Variants in AP1M1 observed in about 807,000 individuals in gnomAD.
AP1M1 encodes adaptor related protein complex 1 subunit mu 1.
In AP1M1, 18 loss-of-function variants were observed where a neutral mutation model predicts 57.1. The observed-to-expected ratio is 0.32, with a 90% confidence interval of 0.22 to 0.47. The LOEUF (loss-of-function observed/expected upper bound fraction) is 0.47, where lower values mean the gene tolerates loss of function less well. AP1M1 is among the 20% of genes least tolerant of loss of function. AP1M1 has a pLI of 1.00. For synonymous variants in AP1M1, 241 were observed against 237.9 expected (o/e 1.01, Z -0.12); for missense variants, 362 against 593.5 (o/e 0.61, Z 4.05).
At position 16,206,197 on chromosome 19, in the gene AP1M1, C is replaced by A. The variant is rs1480982859; in HGVS notation, c.200-144C>A. On this transcript the variant is annotated intron_variant, in intron 2 of 11. Transcript: ENST00000291439. This position sits in a 1 kb window ranked among gnomAD's most constrained non-coding sequence, Gnocchi z 4.3. Reference sequence around the variant, plus strand: ...TAGCTTGGACCAGGAGCTTTGTAGCCCACCATGGGCCAAGTAAACGGCTGG... The same window carrying A: ...TAGCTTGGACCAGGAGCTTTGTAGCACACCATGGGCCAAGTAAACGGCTGG... The A allele has an allele frequency of 1.1e-5, 9 of 795,424 alleles. No individual in the cohort carries two copies. The highest frequency in any genetic ancestry group is 3.0e-4 in the Middle Eastern group (1 of 3,290). The allele number at this position is 795,424 out of a possible 1,614,324, so 49.3% of individuals were successfully genotyped here. A position where few individuals can be genotyped will look rare whatever the true frequency, so the allele number is the denominator to read the frequency against.
At chr19:16,223,349 T>C (rs1255324603) in intron 5 of AP1M1, among the ~76,000 whole-genome samples, 1 of 152,234 alleles carries the variant, frequency 6.6e-6, no homozygotes, top group Non-Finnish European at 1.5e-5. Flanking sequence ...TGCTCGATTC[T>C]AGAGAGTTCT....
chr19:16,201,828 C>T (rs1206369481), intron 1 of AP1M1, among the ~76,000 whole-genome samples: 1 of 152,204 alleles, frequency 6.6e-6, no homozygotes, highest in East Asian at 1.9e-4. Context: ...CAGGCTGGAG[C>T]AGAGTGAACC....
chr19:16,211,804 A>C (rs531199748), intron 5 of AP1M1, among the ~76,000 whole-genome samples: 2 of 152,276 alleles, frequency 1.3e-5, no homozygotes, highest in Admixed American at 1.3e-4. Flanking sequence ...AGTTTTTAAC[A>C]TGAAGAGATG....
chr19:16,228,957 C>T lies in AP1M1; in HGVS notation c.1047+29C>T. The T allele has an allele frequency of 1.9e-6, 3 of 1,604,266 alleles. No homozygotes were observed. The highest frequency in any genetic ancestry group is 1.7e-6 in the Non-Finnish European group (2 of 1,172,324). Reference sequence around the variant, plus strand: ...AGCACTCTGTCCAGACATCCACGTGCCCCCTGCGCCTGTCTCTGCAAGGCA... The same window carrying T: ...AGCACTCTGTCCAGACATCCACGTGTCCCCTGCGCCTGTCTCTGCAAGGCA... On this transcript the variant is annotated intron_variant, in intron 9 of 11. Coordinates refer to ENST00000291439, the MANE Select transcript of AP1M1 (RefSeq NM_032493.4). This position sits in a 1 kb window ranked among gnomAD's most constrained non-coding sequence, Gnocchi z 5.0.
chr19:16,203,389 C>A lies in AP1M1; in HGVS notation c.43-70C>A, dbSNP rs2091456789. 1 of 1,539,322 alleles carries A rather than the reference C, an allele frequency of 6.5e-7. No homozygotes were observed. Among genetic ancestry groups the A allele is most frequent in the Non-Finnish European group, 9.0e-7 (1 of 1,115,492 alleles). On this transcript the variant is annotated intron_variant, in intron 1 of 11. Transcript: ENST00000291439. The surrounding 1 kb of genome is among the most constrained non-coding windows in gnomAD (Gnocchi z 4.6). ...AGCGAAGCAGGGTGGTGCATCTCAC[C>A]CCCTGCCCCAAGCCCCCAGATTGTA...
intron 5 of AP1M1, among the ~76,000 whole-genome samples, chr19:16,212,426 T>G (rs1347847072): frequency 1.3e-5 from 2 of 152,212 alleles, no homozygotes; most frequent in African/African-American, 4.8e-5. Flanking sequence ...TATTTGTAGT[T>G]CTGTGGGGTC....
chr19:16,211,693 T>C (rs2091494718), intron 5 of AP1M1, among the ~76,000 whole-genome samples: 1 of 151,918 alleles, frequency 6.6e-6, no homozygotes, highest in Admixed American at 6.6e-5. Context: ...GAGGTTGCAG[T>C]GAGTCCAGAT....
rs1478181059 is a variant in AP1M1 at position 16,227,543 on chromosome 19, C to G, written c.674-5C>G. The stretch of plus-strand genomic sequence containing the variant: ...GATCTGTCCTACCCTCACCCCTGAC[C>G]CCAGGCGGCAAAAGCAAATCCGTGG... On this transcript the variant is annotated splice_region_variant and splice_polypyrimidine_tract_variant and intron_variant, in intron 6 of 11. Transcript: ENST00000291439. The surrounding 1 kb of genome is among the most constrained non-coding windows in gnomAD (Gnocchi z 6.2). 6.2e-7 allele frequency: 1 copy of G among 1,613,524 alleles called. No individual in the cohort carries two copies.
At chr19:16,215,194 CGGGGGCGGGGGGGGGGG>C (rs2091512662) in intron 5 of AP1M1, among the ~76,000 whole-genome samples, 1 of 1,922 alleles carries the variant, frequency 5.2e-4, no homozygotes, top group Non-Finnish European at 1.4e-3. Context: ...GAGGCTAAGG[CGGGGGCGGGGGGGGGGG>C]AGAGGGGGGA....
chr19:16,208,968 G>T, intron 4 of AP1M1, 62 bp from the exon 5 acceptor site: 1 of 1,568,432 alleles, frequency 6.4e-7, no homozygotes, highest in Non-Finnish European at 8.7e-7. Context: ...AAATGTCAAG[G>T]CCAGAAGCTG....
At chr19:16,223,731 G>A (rs1239284203) in intron 5 of AP1M1, among the ~76,000 whole-genome samples, 1 of 152,200 alleles carries the variant, frequency 6.6e-6, no homozygotes, top group Non-Finnish European at 1.5e-5. Flanking sequence ...GTGGGGGGCG[G>A]TGGGAACACT....
Position 16,228,900 on chromosome 19 carries a change from A to G in AP1M1, c.1019A>G (p.Glu340Gly), listed in dbSNP as rs919365752. ...GSVKWVPENS[E>G]IVWSIKSFPG... Reference sequence around the variant, plus strand: ...GTTAAGTGGGTCCCCGAGAACAGCGAGATCGTGTGGTCCATCAAGTCCTTC... The same window carrying G: ...GTTAAGTGGGTCCCCGAGAACAGCGGGATCGTGTGGTCCATCAAGTCCTTC... Residue 340 changes from glutamate to glycine, a missense_variant, in exon 9 of 12, where the codon GAG becomes GGG. Physicochemically the swap from Glu to Gly is moderately conservative, Grantham distance 98. Around this residue, in one of 2 missense-constraint regions of AP1M1, gnomAD observed 337 missense variants for 511.1 expected, o/e 0.66. Transcript: ENST00000291439. The surrounding 1 kb of genome is among the most constrained non-coding windows in gnomAD (Gnocchi z 5.0). 1.9e-6 allele frequency: 3 copies of G among 1,613,996 alleles called. No individual in the cohort carries two copies. The highest frequency in any genetic ancestry group is 1.6e-4 in the Middle Eastern group (1 of 6,062).
intron 1 of AP1M1, among the ~76,000 whole-genome samples, chr19:16,201,676 G>A (rs985825888): frequency 1.1e-4 from 17 of 152,184 alleles, no homozygotes; most frequent in African/African-American, 3.9e-4. Context: ...GGGATTACAG[G>A]CGTGAGCCAC....
Position 16,234,287 on chromosome 19 carries a change from CTACCCG to C in AP1M1, c.1249+15_1249+20del. 6.2e-7 allele frequency: 1 copy of C among 1,613,568 alleles called. No homozygotes were observed. The highest frequency in any genetic ancestry group is 1.7e-4 in the Middle Eastern group (1 of 6,054). On this transcript the variant is annotated intron_variant, in intron 11 of 11. Transcript: ENST00000291439. ...ACGCAGAATGGAGGTGAGTGAGGCCCTACCCGTGGGGTGGGGTTGTACTGAGGGGTC... is the reference window on the plus strand; with the variant it reads ...ACGCAGAATGGAGGTGAGTGAGGCCCTGGGGTGGGGTTGTACTGAGGGGTC...
rs765452018 is a variant in AP1M1 at position 16,227,713 on chromosome 19, G to C, written c.816+23G>C. ...CACGTGAGTGCGCCACCCTGGGGCTGGGCTGTCGGCAGACTCCTCCTCCCC... is the reference window on the plus strand; with the variant it reads ...CACGTGAGTGCGCCACCCTGGGGCTCGGCTGTCGGCAGACTCCTCCTCCCC... On this transcript the variant is annotated intron_variant, in intron 7 of 11. Transcript: ENST00000291439. This position sits in a 1 kb window ranked among gnomAD's most constrained non-coding sequence, Gnocchi z 6.2. 33 of 1,608,112 alleles carry C rather than the reference G, an allele frequency of 2.1e-5. No individual in the cohort carries two copies. The highest frequency in any genetic ancestry group is 2.7e-5 in the Non-Finnish European group (32 of 1,176,000).
rs1599468811 is a variant in AP1M1, at chr19:16,234,494, C to T, written c.*59C>T. The T allele has an allele frequency of 4.4e-6, 7 of 1,606,998 alleles. No homozygotes were observed. The East Asian group carries it at 6.7e-5, about 15-fold the overall frequency. On this transcript the variant is annotated 3_prime_UTR_variant, in exon 12 of 12. Transcript: ENST00000291439. ...CTCCTGGTGGCAGCACCAGGGGACA[C>T]ACCTGCCAAACCCACCAGATGGAGG...
rs761392434 is a variant in AP1M1, at chr19:16,227,140, C to T, written c.674-408C>T. 6.6e-6 allele frequency among the ~76,000 whole-genome samples: 1 copy of T among 152,186 alleles called. No individual in the cohort carries two copies. The highest frequency in any genetic ancestry group is 1.5e-5 in the Non-Finnish European group (1 of 68,004). ...TCCCCGCCTGGGGCTGGGCAGGGCC[C>T]CACCCACATAGCCCTCAGTGAGGTG... On this transcript the variant is annotated intron_variant, in intron 6 of 11. Coordinates refer to ENST00000291439, the MANE Select transcript of AP1M1 (RefSeq NM_032493.4). This position sits in a 1 kb window ranked among gnomAD's most constrained non-coding sequence, Gnocchi z 6.2.
At chr19:16,226,052 TG>T (rs1599464294) in intron 5 of AP1M1, among the ~76,000 whole-genome samples, 1 of 152,054 alleles carries the variant, frequency 6.6e-6, no homozygotes, top group East Asian at 1.9e-4. Flanking sequence ...AGGGGGCTCC[TG>T]GGAGGGAGGG....
chr19:16,210,401 T>G (rs2091488757), intron 5 of AP1M1: 1 of 718,380 alleles, frequency 1.4e-6, no homozygotes. Context: ...ACACGGTAAG[T>G]GTATGTTTAC....
Sources: allele counts gnomAD v4.1 joint callset (sites outside exome capture counted in the v4.1 genomes callset), GRCh38; gene constraint gnomAD v4.1.1; regional missense constraint gnomAD v4.1.1; non-coding constraint Gnocchi (gnomAD v3.1); transcripts MANE v1.5; gene names NCBI Gene and HGNC (gene_info 2026-07-23, HGNC 2026-07-21).